TIAM1: variants seen among roughly 807,000 people sequenced by gnomAD.
TIAM1 encodes the protein TIAM Rac1 associated GEF 1, also known as rho guanine nucleotide exchange factor TIAM1.
Under a neutral mutation model 163.5 loss-of-function variants are expected in TIAM1, and 65 were observed. The observed-to-expected ratio is 0.40, with a 90% confidence interval of 0.33 to 0.49. The LOEUF (loss-of-function observed/expected upper bound fraction) is 0.49. TIAM1 is among the 20% of genes least tolerant of loss of function. The pLI is 0.77. For synonymous variants in TIAM1, 833 were observed against 810.1 expected (o/e 1.03, Z -0.48); for missense variants, 1,789 against 2,044.7 (o/e 0.87, Z 2.41).
At chr21:31,351,862 G>A (rs568773385) in intron 2 of TIAM1, among the ~76,000 whole-genome samples, 1 of 152,252 alleles carries the variant, frequency 6.6e-6, no homozygotes, top group East Asian at 1.9e-4. Flanking sequence ...GAGGTCAGGA[G>A]TTCAAGGCCA....
intron 1 of TIAM1, among the ~76,000 whole-genome samples, chr21:31,491,943 T>A (rs1363174144): frequency 1.3e-5 from 2 of 152,192 alleles, no homozygotes; most frequent in Non-Finnish European, 2.9e-5. Flanking sequence ...GATAACACCA[T>A]CTGACTGGAT....
intron 1 of TIAM1, among the ~76,000 whole-genome samples, chr21:31,512,789 T>TA (rs2047256098): frequency 6.7e-6 from 1 of 148,242 alleles, no homozygotes; most frequent in Non-Finnish European, 1.5e-5. Context: ...AGTTAGGTGT[T>TA]TTTTTGTTTG....
At position 31,251,924 on chromosome 21, in the gene TIAM1, T is replaced by C; in HGVS notation, c.1229A>G (p.Asp410Gly). 9 of 1,613,756 alleles carry C rather than the reference T, an allele frequency of 5.6e-6. No individual in the cohort carries two copies. The highest frequency in any genetic ancestry group is 6.8e-6 in the Non-Finnish European group (8 of 1,179,868). ...SLEEAGSAHSDEQSSGTLSSP... is the reference protein window; with the variant it reads ...SLEEAGSAHSGEQSSGTLSSP... Reference sequence around the variant, plus strand: ...GCTCAGGGTGCCGCTGCTCTGCTCATCGCTGTGCGCCGAGCCGGCCTCCTC... The same window carrying C: ...GCTCAGGGTGCCGCTGCTCTGCTCACCGCTGTGCGCCGAGCCGGCCTCCTC... The change falls in exon 5 of 28, where the codon GAT becomes GGT. Residue 410 changes from aspartate to glycine, a missense_variant. By Grantham distance (94) the Asp-to-Gly change is moderately conservative. Transcript: ENST00000541036.
intron 1 of TIAM1, among the ~76,000 whole-genome samples, chr21:31,467,424 G>A (rs566135105): frequency 1.3e-5 from 2 of 152,032 alleles, no homozygotes; most frequent in East Asian, 1.9e-4. Flanking sequence ...TGAGGAGTTC[G>A]AGACCAGCCT....
intron 13 of TIAM1, among the ~76,000 whole-genome samples, chr21:31,192,567 C>T (rs976479953): frequency 5.3e-5 from 8 of 151,752 alleles, no homozygotes; most frequent in Non-Finnish European, 7.4e-5. Flanking sequence ...GCTGAGATCG[C>T]GCCACTGCAC....
chr21:31,490,020 C>A (rs894353249), intron 1 of TIAM1, among the ~76,000 whole-genome samples: 4 of 152,220 alleles, frequency 2.6e-5, no homozygotes, highest in African/African-American at 9.6e-5. Context: ...CTAGCGTTCA[C>A]TGAAAAGTGT....
chr21:31,503,197 C>A (rs2046904635), intron 1 of TIAM1, among the ~76,000 whole-genome samples: 1 of 151,830 alleles, frequency 6.6e-6, no homozygotes, highest in South Asian at 2.1e-4. Context: ...GAGTTCAAGA[C>A]CAGCTTGGCC....
chr21:31,472,372 C>CA (rs1452088618), intron 1 of TIAM1, among the ~76,000 whole-genome samples: 1 of 151,806 alleles, frequency 6.6e-6, no homozygotes, highest in Non-Finnish European at 1.5e-5. Context: ...ACTAAAAATA[C>CA]AAAAATCAAC....
intron 1 of TIAM1, among the ~76,000 whole-genome samples, chr21:31,545,381 G>C (rs942574098): frequency 1.1e-4 from 16 of 152,194 alleles, no homozygotes; most frequent in African/African-American, 3.9e-4. Flanking sequence ...TTCTGTGAAA[G>C]AATAAACTTC....
At chr21:31,211,642 T>C (rs1164246441) in intron 10 of TIAM1, among the ~76,000 whole-genome samples, 3 of 152,206 alleles carry the variant, frequency 2.0e-5, no homozygotes, top group Admixed American at 2.0e-4. Flanking sequence ...AATTTCAGCC[T>C]CGCCTTTGAA....
chr21:31,279,346 G>T (rs2073442874), intron 2 of TIAM1, among the ~76,000 whole-genome samples: 1 of 152,214 alleles, frequency 6.6e-6, no homozygotes, highest in Admixed American at 6.5e-5. Context: ...GTGCCAACAA[G>T]TACGTATCCA....
intron 6 of TIAM1, among the ~76,000 whole-genome samples, chr21:31,240,587 A>T (rs1207396017): frequency 9.2e-5 from 14 of 152,162 alleles, no homozygotes; most frequent in Admixed American, 9.2e-4. Context: ...ACCATCACTA[A>T]GCGACCTGTC....
At chr21:31,131,021 G>T in intron 23 of TIAM1, 73 bp from the exon 24 acceptor site, 1 of 1,280,974 alleles carries the variant, frequency 7.8e-7, no homozygotes, top group Non-Finnish European at 1.1e-6. Flanking sequence ...ACCAACTTGT[G>T]GTAATAAACA....
intron 1 of TIAM1, among the ~76,000 whole-genome samples, chr21:31,470,092 C>T (rs933422437): frequency 3.3e-5 from 5 of 150,604 alleles, no homozygotes; most frequent in Non-Finnish European, 4.4e-5. Context: ...CAACCCCTGG[C>T]CCCCTAGGTT....
intron 1 of TIAM1, among the ~76,000 whole-genome samples, chr21:31,485,419 T>C (rs1470489813): frequency 6.6e-6 from 1 of 152,206 alleles, no homozygotes; most frequent in Non-Finnish European, 1.5e-5. Flanking sequence ...TCCAGGAGCC[T>C]ATAAAATTCA....
chr21:31,270,462 G>A (rs1034019648), intron 3 of TIAM1, among the ~76,000 whole-genome samples: 3 of 152,168 alleles, frequency 2.0e-5, no homozygotes, highest in Non-Finnish European at 4.4e-5. Flanking sequence ...TTCAGACTAT[G>A]ATTTACTTAT....
At chr21:31,246,626 G>A (rs533038638) in intron 5 of TIAM1, among the ~76,000 whole-genome samples, 3 of 152,066 alleles carry the variant, frequency 2.0e-5, no homozygotes, top group Admixed American at 6.5e-5. Flanking sequence ...CAATCTATTC[G>A]GCTACAATGG....
At chr21:31,169,605 A>C (rs4383420) in intron 15 of TIAM1, among the ~76,000 whole-genome samples, 8,999 of 152,260 alleles carry the variant, frequency 0.059, 937 homozygotes, top group African/African-American at 0.2. Flanking sequence ...GTTTATCATG[A>C]ACAGAATCTC....
intron 15 of TIAM1, among the ~76,000 whole-genome samples, chr21:31,173,839 T>C (rs551210612): frequency 2.0e-5 from 3 of 152,284 alleles, no homozygotes; most frequent in African/African-American, 7.2e-5. Context: ...AATATCAAAA[T>C]AGAGCATCTC....
Sources: allele counts gnomAD v4.1 joint callset (sites outside exome capture counted in the v4.1 genomes callset), GRCh38; gene constraint gnomAD v4.1.1; transcripts MANE v1.5; gene names NCBI Gene and HGNC (gene_info 2026-07-23, HGNC 2026-07-21).